TUSC3: variants seen among roughly 807,000 people sequenced by gnomAD.
TUSC3 encodes tumor suppressor candidate 3, also known as dolichyl-diphosphooligosaccharide--protein glycosyltransferase subunit TUSC3.
A neutral mutation model predicts 44.8 loss-of-function variants in TUSC3; 45 were observed. The ratio of observed to expected loss-of-function variants is 1.00; its 90% confidence interval spans 0.79 to 1.29. TUSC3 has a LOEUF of 1.29. Among genes scored for constraint, TUSC3 ranks in the 50% most tolerant of loss-of-function variants. The probability of loss-of-function intolerance (pLI) is 0.00; values close to 1 mark genes in which losing one functional copy is unlikely to be tolerated. For synonymous variants in TUSC3, 212 were observed against 152.9 expected (o/e 1.39, Z -2.85); for missense variants, 519 against 437.9 (o/e 1.19, Z -1.65).
chr8:15,808,343 G>T, the TUSC3 span, among the ~76,000 whole-genome samples: 1 of 152,032 alleles, frequency 6.6e-6, no homozygotes, highest in East Asian at 1.9e-4. Context: ...TTTAAAAAAT[G>T]CTCTCTCCAG....
chr8:15,517,996 C>G (rs1801244660), intron 2 of TUSC3, among the ~76,000 whole-genome samples: 1 of 151,916 alleles, frequency 6.6e-6, no homozygotes, highest in Admixed American at 6.6e-5. Flanking sequence ...AAAAAAACCC[C>G]CATACACATT....
intron 1 of TUSC3, among the ~76,000 whole-genome samples, chr8:15,460,515 C>T (rs543300322): frequency 6.6e-6 from 1 of 152,224 alleles, no homozygotes; most frequent in Non-Finnish European, 1.5e-5. Flanking sequence ...GTTCCTTTTG[C>T]CGTGCAAAAC....
intron 6 of TUSC3, among the ~76,000 whole-genome samples, chr8:15,687,857 T>A (rs1011733730): frequency 6.6e-6 from 1 of 152,202 alleles, no homozygotes; most frequent in African/African-American, 2.4e-5. Flanking sequence ...AGAAAAAAAT[T>A]GTTTTCCCTG....
At chr8:15,683,896 C>T (rs1479566513) in intron 6 of TUSC3, among the ~76,000 whole-genome samples, 1 of 152,040 alleles carries the variant, frequency 6.6e-6, no homozygotes, top group African/African-American at 2.4e-5. Context: ...TTTCATATGG[C>T]CAAGACTTTG....
At chr8:15,603,027 C>A (rs572774086) in intron 1 of TUSC3, among the ~76,000 whole-genome samples, 1 of 151,230 alleles carries the variant, frequency 6.6e-6, no homozygotes, top group East Asian at 1.9e-4. Flanking sequence ...TTCAATTGGA[C>A]CACAGTAAAA....
chr8:15,616,207 T>C (rs954854835), intron 1 of TUSC3, among the ~76,000 whole-genome samples: 1 of 152,340 alleles, frequency 6.6e-6, no homozygotes, highest in Middle Eastern at 3.4e-3. Context: ...AGGGACTAAT[T>C]TCTGTTTTAG....
intron 1 of TUSC3, among the ~76,000 whole-genome samples, chr8:15,610,589 A>G (rs2129158626): frequency 6.6e-6 from 1 of 152,340 alleles, no homozygotes; most frequent in African/African-American, 2.4e-5. Context: ...TGAGATACAT[A>G]TGCAAGTTTC....
At chr8:15,452,953 C>G (rs930075878) in intron 1 of TUSC3, among the ~76,000 whole-genome samples, 6 of 152,106 alleles carry the variant, frequency 3.9e-5, no homozygotes, top group Admixed American at 3.9e-4. Context: ...TTTATCCCTG[C>G]ACCACCAGAC....
At chr8:15,609,354 G>T (rs1195506661) in intron 1 of TUSC3, among the ~76,000 whole-genome samples, 1 of 152,122 alleles carries the variant, frequency 6.6e-6, no homozygotes, top group Non-Finnish European at 1.5e-5. Flanking sequence ...ATTTACACTG[G>T]TAATAGTCAT....
chr8:15,794,005 G>T, the TUSC3 span, among the ~76,000 whole-genome samples: 2 of 152,270 alleles, frequency 1.3e-5, no homozygotes, highest in African/African-American at 4.8e-5. Context: ...AGAAGAAAGA[G>T]TCAGATGACA....
rs140566191 is a variant in TUSC3 at position 15,571,301 on chromosome 8, C to G, written c.138+30733C>G. ...ATTGTTTTATACTTTCAATTGAATA[C>G]AGGTGTAACTTTGAGACATGGGCTT... On this transcript the variant is annotated intron_variant, in intron 1 of 10. Coordinates refer to ENST00000503731, the MANE Select transcript of TUSC3 (RefSeq NM_006765.4). 1.1e-3 allele frequency among the ~76,000 whole-genome samples: 162 copies of G among 152,146 alleles called. 2 individuals carry two copies. Among genetic ancestry groups the G allele is most frequent in the Non-Finnish European group, 1.8e-3 (125 of 67,994 alleles).
intron 2 of TUSC3, among the ~76,000 whole-genome samples, chr8:15,637,932 C>G (rs1174549971): frequency 6.6e-6 from 1 of 152,166 alleles, no homozygotes; most frequent in African/African-American, 2.4e-5. Flanking sequence ...ACCTGCTTCT[C>G]TGTTTCACTC....
At chr8:15,617,259 C>T (rs1261540679) in intron 1 of TUSC3, among the ~76,000 whole-genome samples, 2 of 151,492 alleles carry the variant, frequency 1.3e-5, no homozygotes, top group Non-Finnish European at 2.9e-5. Flanking sequence ...CCTGCTTCAG[C>T]CTCCTGAGTA....
intron 2 of TUSC3, among the ~76,000 whole-genome samples, chr8:15,486,516 C>G (rs1210010772): frequency 6.6e-6 from 1 of 152,138 alleles, no homozygotes; most frequent in Non-Finnish European, 1.5e-5. Context: ...GCTGTCTCGC[C>G]TCACTGCAAC....
At chr8:15,748,702 A>G (rs960841176) in intron 9 of TUSC3, 9 of 651,886 alleles carry the variant, frequency 1.4e-5, no homozygotes, top group African/African-American at 1.1e-4. Flanking sequence ...ACATATTTTT[A>G]TATAACAAAT....
the TUSC3 span, among the ~76,000 whole-genome samples, chr8:15,827,454 G>C: frequency 1.3e-5 from 2 of 151,990 alleles, no homozygotes; most frequent in Non-Finnish European, 2.9e-5. Flanking sequence ...GTTTACATTG[G>C]GTTTTGCTGT....
At chr8:15,583,132 A>G (rs912960095) in intron 1 of TUSC3, among the ~76,000 whole-genome samples, 14 of 152,228 alleles carry the variant, frequency 9.2e-5, no homozygotes, top group East Asian at 7.7e-4. Context: ...AGAATAAACT[A>G]GAACTGTTCT....
At chr8:15,708,505 A>G (rs1447715177) in intron 6 of TUSC3, among the ~76,000 whole-genome samples, 1 of 151,974 alleles carries the variant, frequency 6.6e-6, no homozygotes, top group East Asian at 1.9e-4. Context: ...TGTGGTAGTG[A>G]TTTAAAAGTG....
the TUSC3 span, among the ~76,000 whole-genome samples, chr8:15,787,423 C>T: frequency 6.6e-6 from 1 of 152,212 alleles, no homozygotes; most frequent in African/African-American, 2.4e-5. Flanking sequence ...ATCCCGTCAA[C>T]AGATTATATA....
Sources: allele counts gnomAD v4.1 joint callset (sites outside exome capture counted in the v4.1 genomes callset), GRCh38; gene constraint gnomAD v4.1.1; transcripts MANE v1.5; gene names NCBI Gene and HGNC (gene_info 2026-07-23, HGNC 2026-07-21).